The following TMEM74 variants were observed in gnomAD, a reference collection of about 807,000 sequenced individuals.
The protein encoded by TMEM74 is transmembrane protein 74.
TMEM74 carries 13 observed loss-of-function variants against 18.1 expected under a neutral mutation model. The ratio of observed to expected loss-of-function variants is 0.72; its 90% CI spans 0.47 to 1.14. The LOEUF is 1.14. Among genes scored for constraint, TMEM74 ranks in the 50% most tolerant of loss-of-function variants. TMEM74 has a pLI of 0.00. For synonymous variants in TMEM74, 159 were observed against 146.6 expected, an observed-to-expected ratio of 1.08 and a Z score of -0.61; for missense variants, 372 against 375.9, an observed-to-expected ratio of 0.99 and a Z score of 0.09.
intron 1 of TMEM74, among the ~76,000 whole-genome samples, chr8:108,716,116 CA>C (rs112245854): frequency 0.018 from 2,804 of 152,048 alleles, 102 homozygotes; most frequent in African/African-American, 0.064. Flanking sequence ...TAGCTTTTGA[CA>C]AAAAACTGCA....
intron 2 of TMEM74, among the ~76,000 whole-genome samples, chr8:108,628,365 C>A (rs1586239299): frequency 6.6e-6 from 1 of 152,058 alleles, no homozygotes; most frequent in South Asian, 2.1e-4. Context: ...CAGTTCTCTG[C>A]AGACACCAAC....
chr8:108,635,856 A>G (rs1265011590), intron 2 of TMEM74, among the ~76,000 whole-genome samples: 1 of 152,058 alleles, frequency 6.6e-6, no homozygotes, highest in Non-Finnish European at 1.5e-5. Flanking sequence ...CATCTTTGCA[A>G]TTAGACTGTA....
intron 2 of TMEM74, among the ~76,000 whole-genome samples, chr8:108,610,196 G>C (rs1812321081): frequency 6.6e-6 from 1 of 152,134 alleles, no homozygotes; most frequent in African/African-American, 2.4e-5. Context: ...GAATTTAGCA[G>C]GTAAAAGAGA....
At chr8:108,757,081 A>C (rs1251062671) in intron 1 of TMEM74, among the ~76,000 whole-genome samples, 1 of 152,124 alleles carries the variant, frequency 6.6e-6, no homozygotes, top group Non-Finnish European at 1.5e-5. Flanking sequence ...ACTATACCCA[A>C]AGGAGAAATA....
At chr8:108,757,947 A>G (rs1269009196) in intron 1 of TMEM74, among the ~76,000 whole-genome samples, 2 of 152,038 alleles carry the variant, frequency 1.3e-5, no homozygotes, top group African/African-American at 4.8e-5. Context: ...CTCCTGTGCT[A>G]TCAAGAGAAA....
At chr8:108,616,130 G>A (rs146170540) in intron 2 of TMEM74, among the ~76,000 whole-genome samples, 111 of 152,178 alleles carry the variant, frequency 7.3e-4, no homozygotes, top group African/African-American at 2.5e-3. Flanking sequence ...TAGGCAAAGC[G>A]TGTTTCTTCA....
intron 1 of TMEM74, among the ~76,000 whole-genome samples, chr8:108,663,407 T>G (rs1812919467): frequency 6.6e-6 from 1 of 152,048 alleles, no homozygotes; most frequent in Admixed American, 6.6e-5. Context: ...AAAACCACAA[T>G]GAAACACCAT....
At chr8:108,690,090 C>T (rs1813210003) in intron 1 of TMEM74, among the ~76,000 whole-genome samples, 2 of 152,036 alleles carry the variant, frequency 1.3e-5, no homozygotes, top group Non-Finnish European at 1.5e-5. Context: ...TATATACACT[C>T]AAGACTGAGT....
intron 2 of TMEM74, among the ~76,000 whole-genome samples, chr8:108,650,771 C>G (rs1812766047): frequency 6.6e-6 from 1 of 152,150 alleles, no homozygotes; most frequent in Non-Finnish European, 1.5e-5. Flanking sequence ...AGTGCAATGG[C>G]ATGATCTCAG....
intron 2 of TMEM74, chr8:108,626,447 G>A (rs1812494252): frequency 6.6e-6 from 1 of 152,026 alleles, no homozygotes; most frequent in Non-Finnish European, 1.5e-5. Context: ...CAGTATTAAT[G>A]TTTGCCATGT....
intron 1 of TMEM74, among the ~76,000 whole-genome samples, chr8:108,747,752 T>TC (rs1031627561): frequency 1.3e-5 from 2 of 149,744 alleles, no homozygotes; most frequent in Non-Finnish European, 3.0e-5. Flanking sequence ...GTCTGTTGTT[T>TC]CCCCCCTGTG....
At chr8:108,626,856 G>A (rs936683237) in intron 2 of TMEM74, 12 of 151,876 alleles carry the variant, frequency 7.9e-5, no homozygotes, top group African/African-American at 2.9e-4. Flanking sequence ...TTGACCTCAG[G>A]AAGATTCCCA....
At chr8:108,732,040 T>A (rs563427662) in intron 1 of TMEM74, among the ~76,000 whole-genome samples, 1 of 152,288 alleles carries the variant, frequency 6.6e-6, no homozygotes, top group South Asian at 2.1e-4. Context: ...TTCAGTTGCC[T>A]CCACTCCCCT....
chr8:108,694,483 C>T (rs10105443), intron 1 of TMEM74, among the ~76,000 whole-genome samples: 22,673 of 152,054 alleles, frequency 0.15, 1,969 homozygotes, highest in East Asian at 0.3. Flanking sequence ...TAGGCAAATC[C>T]ATAGAAACTT....
chr8:108,651,927 C>T (rs1374139906), intron 2 of TMEM74, among the ~76,000 whole-genome samples: 4 of 150,194 alleles, frequency 2.7e-5, no homozygotes, highest in East Asian at 1.9e-4. Context: ...CCCAGTGTTA[C>T]GACCATGTGT....
intron 1 of TMEM74, among the ~76,000 whole-genome samples, chr8:108,726,223 G>A (rs1563536244): frequency 6.6e-6 from 1 of 152,022 alleles, no homozygotes; most frequent in Non-Finnish European, 1.5e-5. Flanking sequence ...TATACCTAAT[G>A]GGAATGTTGT....
intron 2 of TMEM74, among the ~76,000 whole-genome samples, chr8:108,620,721 T>C (rs1410094758): frequency 6.6e-6 from 1 of 152,176 alleles, no homozygotes; most frequent in Non-Finnish European, 1.5e-5. Context: ...ATTCATGATA[T>C]GATTATTAAT....
At chr8:108,669,362 A>G (rs867353096) in intron 1 of TMEM74, among the ~76,000 whole-genome samples, 1 of 152,160 alleles carries the variant, frequency 6.6e-6, no homozygotes, top group Admixed American at 6.6e-5. Context: ...GCACGTTACA[A>G]TGAAAAGGTC....
At chr8:108,681,237 G>A (rs1209207616) in intron 1 of TMEM74, among the ~76,000 whole-genome samples, 11 of 152,082 alleles carry the variant, frequency 7.2e-5, no homozygotes, top group South Asian at 4.2e-4. Flanking sequence ...GAACAAAGCC[G>A]GAGGCATCAC....
Sources: gnomAD v4.1 joint callset for allele counts (sites outside exome capture counted in the v4.1 genomes callset) on GRCh38, gnomAD v4.1.1 for gene constraint, MANE v1.5 for transcripts, NCBI Gene and HGNC (gene_info 2026-07-23, HGNC 2026-07-21) for gene names.